The following RC3H1 variants were observed in gnomAD, a reference collection of about 807,000 sequenced individuals.
The protein encoded by RC3H1 is roquin-1.
A neutral mutation model predicts 138.2 loss-of-function variants in RC3H1; 50 were observed. The ratio of observed to expected loss-of-function variants is 0.36; its 90% confidence interval spans 0.29 to 0.46. RC3H1 has a LOEUF of 0.46. RC3H1 is among the 20% of genes least tolerant of loss of function. The probability of loss-of-function intolerance (pLI) is 1.00; values close to 1 mark genes in which losing one functional copy is unlikely to be tolerated. For missense variants in RC3H1, 1,031 were observed against 1,388.1 expected (o/e 0.74, Z 4.09); for synonymous variants, 462 against 489.1 (o/e 0.94, Z 0.73).
chr1:173,984,996 C>T (rs1181006181), intron 2 of RC3H1, among the ~76,000 whole-genome samples: 1 of 152,172 alleles, frequency 6.6e-6, no homozygotes, highest in Non-Finnish European at 1.5e-5. Flanking sequence ...ATCCACCAAC[C>T]TTTGGAAAGA....
chr1:173,961,613 T>C (rs1225378751), intron 12 of RC3H1, 112 bp downstream of exon 12: 2 of 995,346 alleles, frequency 2.0e-6, no homozygotes, highest in Non-Finnish European at 2.8e-6. Context: ...AAAAAGAAGC[T>C]CTCTTATAAA....
chr1:173,960,748 T>C (rs958080186), intron 13 of RC3H1, among the ~76,000 whole-genome samples: 2 of 152,096 alleles, frequency 1.3e-5, no homozygotes, highest in Non-Finnish European at 2.9e-5. Flanking sequence ...AGGATAGAAA[T>C]AGACTGACGG....
chr1:174,021,226 A>C (rs1661951263), intron 1 of RC3H1, among the ~76,000 whole-genome samples: 1 of 152,176 alleles, frequency 6.6e-6, no homozygotes, highest in Admixed American at 6.6e-5. Flanking sequence ...GCCTAGCTGG[A>C]ATAAAAGTCC....
intron 7 of RC3H1, among the ~76,000 whole-genome samples, chr1:173,974,277 C>CA (rs571801899): frequency 0.1 from 4,844 of 46,978 alleles, 846 homozygotes; most frequent in African/African-American, 0.25. Flanking sequence ...GAGACTGTCT[C>CA]AAAAAAAAAA....
intron 9 of RC3H1, 55 bp downstream of exon 9, chr1:173,970,450 C>T: frequency 9.0e-7 from 1 of 1,108,296 alleles, no homozygotes; most frequent in Non-Finnish European, 1.4e-6. Flanking sequence ...TTCTGTATGT[C>T]AGCGAATTAT....
At chr1:174,012,185 C>T (rs1040012495) in intron 1 of RC3H1, among the ~76,000 whole-genome samples, 5 of 151,810 alleles carry the variant, frequency 3.3e-5, no homozygotes, top group Non-Finnish European at 7.4e-5. Flanking sequence ...GAGCCCTGAT[C>T]CCTCTACTGC....
chr1:173,943,409 A>T, intron 18 of RC3H1, 33 bp downstream of exon 18: 3 of 1,568,892 alleles, frequency 1.9e-6, no homozygotes, highest in South Asian at 1.2e-5. Context: ...ATTTCATTTC[A>T]CCTTCCCTCT....
At chr1:173,964,692 T>A (rs1168605296) in intron 10 of RC3H1, 147 bp downstream of exon 10, 1 of 751,388 alleles carries the variant, frequency 1.3e-6, no homozygotes, top group African/African-American at 1.8e-5. Flanking sequence ...TAAAAAACAC[T>A]AGCATGGGAA....
chr1:173,994,697 T>A (rs1661419550), intron 1 of RC3H1, among the ~76,000 whole-genome samples: 2 of 147,994 alleles, frequency 1.4e-5, no homozygotes, highest in Non-Finnish European at 3.0e-5. Flanking sequence ...AGCTAAGGGC[T>A]AAGGTAGGAG....
At chr1:173,996,319 A>G (rs962595941) in intron 1 of RC3H1, among the ~76,000 whole-genome samples, 1 of 152,104 alleles carries the variant, frequency 6.6e-6, no homozygotes, top group Non-Finnish European at 1.5e-5. Flanking sequence ...AATATATATG[A>G]CATCATTTGT....
At position 173,970,591 on chromosome 1, in the gene RC3H1, T is replaced by A. The variant is rs61738616; in HGVS notation, c.1248A>T (p.Thr416=). 6.2e-7 allele frequency: 1 copy of A among 1,613,924 alleles called. No homozygotes were observed. The change falls in exon 9 of 20, where the codon ACA becomes ACT. Residue 416 remains threonine (T), a synonymous_variant. Transcript: ENST00000367696. ...QQPPQHSKYK[T]YMCRDMKQRG... ...TCTGCTTCATATCTCGACACATGTATGTTTTGTATTTGCTATGCTGTGGAG... is the reference window on the plus strand; with the variant it reads ...TCTGCTTCATATCTCGACACATGTAAGTTTTGTATTTGCTATGCTGTGGAG...
chr1:173,993,076 A>ATT lies in RC3H1; in HGVS notation c.-92_-91insAA. On this transcript the variant is annotated 5_prime_UTR_variant, in exon 2 of 20. Coordinates refer to ENST00000367696, the MANE Select transcript of RC3H1 (RefSeq NM_172071.4). ...AATCAAAATCTTTGAAAAAAAGTTTATCTTTTTTTTTTTTAAATATCTTCT... is the reference window on the plus strand; with the variant it reads ...AATCAAAATCTTTGAAAAAAAGTTTATTTCTTTTTTTTTTTTAAATATCTTCT... The ATT allele has an allele frequency of 1.1e-6, 1 of 932,458 alleles. No homozygotes were observed. The allele number at this position is 932,458 out of a possible 1,614,324, so 57.8% of individuals were successfully genotyped here.
chr1:173,952,337 G>A (rs1320115875), intron 13 of RC3H1, among the ~76,000 whole-genome samples, 199 bp from the exon 14 acceptor site: 2 of 131,122 alleles, frequency 1.5e-5, no homozygotes, highest in Non-Finnish European at 3.1e-5. Context: ...TATAAAATAA[G>A]TGAAGAGTGA....
Position 173,943,554 on chromosome 1 carries a change from G to T in RC3H1, c.3023C>A (p.Pro1008His). The T allele has an allele frequency of 6.2e-6, 10 of 1,614,088 alleles. No homozygotes were observed. The highest frequency in any genetic ancestry group is 8.5e-6 in the Non-Finnish European group (10 of 1,179,990). Residue 1008 changes from proline (P) to histidine (H), a missense_variant, in exon 18 of 20, where the codon CCC (proline) becomes CAC (histidine). Pro to His is a moderately conservative substitution (Grantham distance 77, BLOSUM62 -2). Coordinates refer to ENST00000367696, the MANE Select transcript of RC3H1 (RefSeq NM_172071.4). The stretch of plus-strand genomic sequence containing the variant: ...CCATTTTGGAGGTGGCGGTGGTGGG[G>T]GCTGTGACTGGCCTGCCAGGGTGTT... ...EANTLAGQSQ[P>H]PPPPPPKWPG...
chr1:173,939,721 G>T (rs543069410), intron 19 of RC3H1, among the ~76,000 whole-genome samples: 8 of 151,286 alleles, frequency 5.3e-5, no homozygotes, highest in Non-Finnish European at 1.0e-4. Flanking sequence ...TGTAGTCCCA[G>T]CTACTCGGGA....
At position 173,936,751 on chromosome 1, in the gene RC3H1, ATATATATATATTT is replaced by A. The variant is rs1256199770; in HGVS notation, c.*1957_*1969del. 136 of 58,756 alleles carry A rather than the reference ATATATATATATTT, an allele frequency of 2.3e-3. 1 individual carries two copies. Among genetic ancestry groups the A allele is most frequent in the African/African-American group, 0.015 (78 of 5,146 alleles). The allele number at this position is 58,756 out of a possible 1,614,324, so 3.6% of individuals were successfully genotyped here. A position where few individuals can be genotyped will look rare whatever the true frequency, so the allele number is the denominator to read the frequency against. On this transcript the variant is annotated 3_prime_UTR_variant, in exon 20 of 20. Coordinates refer to ENST00000367696, the MANE Select transcript of RC3H1 (RefSeq NM_172071.4). ...CATACATATATATATATATATATAT[ATATATATATATTT>A]TTTTTTTTTTTTTTAAAAAAAGAAG...
Position 173,993,002 on chromosome 1 carries a change from A to G in RC3H1, c.-17T>C. ...TACAGGCATTGCTTCTGGAGTTACA[A>G]TTCACGAACACAAACACACACACAA... On this transcript the variant is annotated 5_prime_UTR_variant, in exon 2 of 20. Transcript: ENST00000367696. The G allele has an allele frequency of 6.5e-7, 1 of 1,538,802 alleles. No individual in the cohort carries two copies. The highest frequency in any genetic ancestry group is 1.4e-5 in the African/African-American group (1 of 73,588).
chr1:173,978,362 A>C (rs1660668342), intron 7 of RC3H1, 126 bp downstream of exon 7: 2 of 917,220 alleles, frequency 2.2e-6, no homozygotes, highest in Non-Finnish European at 1.6e-6. Flanking sequence ...AACTTAAAAT[A>C]CTGTAAAAAA....
intron 13 of RC3H1, among the ~76,000 whole-genome samples, chr1:173,954,020 C>G (rs1659529046): frequency 6.6e-6 from 1 of 152,118 alleles, no homozygotes; most frequent in Non-Finnish European, 1.5e-5. Flanking sequence ...GCCTGGGCAA[C>G]AGAGTGAGAC....
Sources: allele counts gnomAD v4.1 joint callset (sites outside exome capture counted in the v4.1 genomes callset), GRCh38; gene constraint gnomAD v4.1.1; transcripts MANE v1.5; gene names NCBI Gene and HGNC (gene_info 2026-07-23, HGNC 2026-07-21).